Variants in NCAPH2 observed in about 807,000 individuals in gnomAD.
NCAPH2 encodes the protein condensin-2 complex subunit H2.
Under a neutral mutation model 88.6 loss-of-function variants are expected in NCAPH2, and 56 were observed. The ratio of observed to expected loss-of-function variants is 0.63; its 90% CI spans 0.51 to 0.79. The LOEUF (loss-of-function observed/expected upper bound fraction) is 0.79. Among genes scored for constraint, NCAPH2 ranks in the 30% least tolerant of loss-of-function variants. The pLI, the probability that NCAPH2 is intolerant of heterozygous loss-of-function variation, is 0.00. For missense variants in NCAPH2, 794 were observed against 792.0 expected, an observed-to-expected ratio of 1.00 and a Z score of -0.03; for synonymous variants, 378 against 313.6, an observed-to-expected ratio of 1.21 and a Z score of -2.17.
intron 7 of NCAPH2, 129 bp from the exon 8 acceptor site, chr22:50,518,520 C>A (rs777292325): frequency 4.6e-6 from 5 of 1,089,706 alleles, no homozygotes; most frequent in African/African-American, 3.2e-5. Context: ...TGTCTCCCCC[C>A]AGCCCAAGGC....
Position 50,515,590 on chromosome 22 carries a change from G to A in NCAPH2, c.109-857G>A. The A allele has an allele frequency of 2.8e-5, 17 of 599,798 alleles. No homozygotes were observed. The South Asian group carries it at 3.9e-4, about 14-fold the overall frequency. 37.2% of individuals were successfully genotyped at this position (599,798 alleles called of 1,614,324 possible). On this transcript the variant is annotated intron_variant, in intron 1 of 19. Transcript: ENST00000420993. The stretch of plus-strand genomic sequence containing the variant: ...TTTTTGTATTTTTAGTAGAGACGAG[G>A]TTTCACCGTGTTAGCCAGGATGGTC...
At chr22:50,519,058 G>A in intron 8 of NCAPH2, 132 bp from the exon 9 acceptor site, 1 of 831,462 alleles carries the variant, frequency 1.2e-6, no homozygotes, top group Non-Finnish European at 1.8e-6. Flanking sequence ...CGACGAGGAT[G>A]GTGCAAGGCA....
intron 1 of NCAPH2, chr22:50,515,811 A>G (rs1378269920): frequency 1.5e-6 from 2 of 1,296,012 alleles, no homozygotes; most frequent in Admixed American, 2.4e-5. Flanking sequence ...GGACATTTGA[A>G]TGTACTCTGT....
At position 50,524,314 on chromosome 22, in the gene NCAPH2, A is replaced by C; in HGVS notation, c.*939A>C. The C allele has an allele frequency of 1.2e-6, 2 of 1,602,122 alleles. No individual in the cohort carries two copies. Among genetic ancestry groups the C allele is most frequent in the Non-Finnish European group, 1.7e-6 (2 of 1,179,816 alleles). Reference sequence around the variant, plus strand: ...CTGCCTTGACAAAAGCCAGGACCTCAGATGCAGGGCCTGGCCTCCCAGGGT... The same window carrying C: ...CTGCCTTGACAAAAGCCAGGACCTCCGATGCAGGGCCTGGCCTCCCAGGGT... On this transcript the variant is annotated 3_prime_UTR_variant, in exon 20 of 20. Transcript: ENST00000420993.
In NCAPH2 at chr22:50,517,760, TC is replaced by T. The variant is rs1306874151; in HGVS notation, c.374del (p.Pro125LeufsTer57). ...CTCCAGTTCCTGTCGCTGGATGACT[TC>T]CCTGACTCCCGGACTAACGTGGATC... is the stretch of plus-strand genomic sequence containing the variant. ...AENEFLSLDD[F>X]PDSRTNVDLK... On this transcript the variant is annotated frameshift_variant, in exon 5 of 20. Transcript: ENST00000420993. LOFTEE classifies it high-confidence loss of function. 3 of 1,614,018 alleles carry T rather than the reference TC, an allele frequency of 1.9e-6. No individual in the cohort carries two copies. Among genetic ancestry groups the T allele is most frequent in the Non-Finnish European group, 2.5e-6 (3 of 1,180,036 alleles).
In NCAPH2 at chr22:50,522,836, A is replaced by G; in HGVS notation, c.1441A>G (p.Thr481Ala). 6.2e-7 allele frequency: 1 copy of G among 1,613,218 alleles called. No homozygotes were observed. Among genetic ancestry groups the G allele is most frequent in the Non-Finnish European group, 8.5e-7 (1 of 1,179,934 alleles). Reference sequence around the variant, plus strand: ...CCTCCCCTAGGAGCTCTTCATCGCCACCTCCCAGAAGTTTGTCCAGGAGAC... The same window carrying G: ...CCTCCCCTAGGAGCTCTTCATCGCCGCCTCCCAGAAGTTTGTCCAGGAGAC... ...VRRNVELFIATSQKFVQETEL... is the reference protein window; with the variant it reads ...VRRNVELFIAASQKFVQETEL... The change falls in exon 18 of 20, where the codon ACC (threonine) becomes GCC (alanine). Residue 481 changes from threonine to alanine, a missense_variant. Physicochemically the swap from Thr to Ala is moderately conservative, Grantham distance 58 (BLOSUM62 0). Around this residue, in one of 2 missense-constraint regions of NCAPH2, gnomAD observed 735 missense variants for 696.3 expected, o/e 1.06. Coordinates refer to ENST00000420993, the MANE Select transcript of NCAPH2 (RefSeq NM_152299.4).
chr22:50,513,793 G>GA (rs1472202220), intron 1 of NCAPH2, among the ~76,000 whole-genome samples: 1 of 151,900 alleles, frequency 6.6e-6, no homozygotes, highest in East Asian at 1.9e-4. Flanking sequence ...CCAACCAACC[G>GA]AAAAAATCAC....
Position 50,518,782 on chromosome 22 carries a change from C to T in NCAPH2, c.730+50C>T, listed in dbSNP as rs1418183165. On this transcript the variant is annotated intron_variant, in intron 8 of 19. Transcript: ENST00000420993. ...ACTGGCAGGGCAGCCAAAGAGGGGA[C>T]CAGGGAGGCAGCACCCAGTGGACAG... The T allele has an allele frequency of 2.0e-6, 3 of 1,524,494 alleles. No homozygotes were observed. The Admixed American group carries it at 5.8e-5, about 29-fold the overall frequency. The allele number at this position is 1,524,494 out of a possible 1,614,324, so 94.4% of individuals were successfully genotyped here. A position where few individuals can be genotyped will look rare whatever the true frequency, so the allele number is the denominator to read the frequency against.
At chr22:50,509,821 G>A (rs2068737149) in intron 1 of NCAPH2, among the ~76,000 whole-genome samples, 1 of 151,938 alleles carries the variant, frequency 6.6e-6, no homozygotes, top group Non-Finnish European at 1.5e-5. Context: ...GGGCTGTTTT[G>A]TATCTTGTTC....
rs942543259 is a variant in NCAPH2, at chr22:50,524,186, G to T, written c.*811G>T. On this transcript the variant is annotated 3_prime_UTR_variant, in exon 20 of 20. Coordinates refer to ENST00000420993, the MANE Select transcript of NCAPH2 (RefSeq NM_152299.4). ...CTCTCCTTCTCAGCCCTCAGGGCCAGCCAGGCCCCACCGAGTCCAGCCCCG... is the reference window on the plus strand; with the variant it reads ...CTCTCCTTCTCAGCCCTCAGGGCCATCCAGGCCCCACCGAGTCCAGCCCCG... 1.2e-6 allele frequency: 2 copies of T among 1,609,252 alleles called. No individual in the cohort carries two copies. Among genetic ancestry groups the T allele is most frequent in the Admixed American group, 1.7e-5 (1 of 60,020 alleles).
chr22:50,516,643 G>A, intron 2 of NCAPH2, 95 bp downstream of exon 2: 1 of 1,053,818 alleles, frequency 9.5e-7, no homozygotes, highest in Non-Finnish European at 1.4e-6. Flanking sequence ...CGTCCCGTCT[G>A]TGACCTACCT....
intron 1 of NCAPH2, among the ~76,000 whole-genome samples, chr22:50,515,473 T>C (rs1279496897): frequency 1.3e-5 from 2 of 152,142 alleles, no homozygotes; most frequent in African/African-American, 4.8e-5. Context: ...CTCGGCTCAC[T>C]GCAAGCTCCG....
chr22:50,519,431 CACTGGTCTGGGGCAGAA>C (rs1452009270), intron 9 of NCAPH2, 111 bp downstream of exon 9: 2 of 1,486,120 alleles, frequency 1.3e-6, no homozygotes, highest in African/African-American at 2.8e-5. Context: ...GGCCCCAGAC[CACTGGTCTGGGGCAGAA>C]GCCCACCTGT....
In NCAPH2 at chr22:50,519,217, T is replaced by A; in HGVS notation, c.758T>A (p.Leu253Gln). ...PGPSPEGPMP[L>Q]GGGEDEDAEE... ...CCCTCTCCAGAAGGCCCGATGCCCC[T>A]GGGTGGGGGCGAGGACGAGGATGCA... The change falls in exon 9 of 20, where the codon CTG (leucine) becomes CAG (glutamine). Residue 253 changes from leucine to glutamine, a missense_variant. By Grantham distance (113) the Leu-to-Gln change is moderately radical. This residue lies in a region of NCAPH2 where 735 missense variants were observed against 696.3 expected (regional missense o/e 1.06). Transcript: ENST00000420993. The A allele has an allele frequency of 6.2e-7, 1 of 1,610,864 alleles. No homozygotes were observed. The highest frequency in any genetic ancestry group is 8.5e-7 in the Non-Finnish European group (1 of 1,179,136).
In NCAPH2 at chr22:50,518,624, C is replaced by G. The variant is rs773861262; in HGVS notation, c.647-25C>G. On this transcript the variant is annotated intron_variant, in intron 7 of 19. Coordinates refer to ENST00000420993, the MANE Select transcript of NCAPH2 (RefSeq NM_152299.4). ...CATCTTGGAGAGGGGCTGGGCTGAC[C>G]TTGTCTGATCCCTGTCTCTCCCAGA... 171 of 1,582,790 alleles carry G rather than the reference C, an allele frequency of 1.1e-4. 1 individual carries two copies. The highest frequency in any genetic ancestry group is 2.5e-4 in the Admixed American group (14 of 55,446).
intron 1 of NCAPH2, among the ~76,000 whole-genome samples, chr22:50,513,145 C>A (rs987835458): frequency 6.6e-6 from 1 of 152,232 alleles, no homozygotes; most frequent in African/African-American, 2.4e-5. Flanking sequence ...TTAGTAGAGG[C>A]GTTAGAGATG....
At position 50,517,450 on chromosome 22, in the gene NCAPH2, C is replaced by T. The variant is rs1198113707; in HGVS notation, c.234C>T (p.Val78=). 2 of 1,614,068 alleles carry T rather than the reference C, an allele frequency of 1.2e-6. No homozygotes were observed. The highest frequency in any genetic ancestry group is 2.2e-5 in the South Asian group (2 of 91,088). The part of the protein sequence containing the change: ...SKKVEYLYSL[V]YQALDFISGK... ...AGGTGGAATACCTCTACTCACTCGT[C>T]TACCAGGCCCTTGATTTCATCTCTG... The change falls in exon 3 of 20, where the codon GTC becomes GTT. Residue 78 remains valine (V), a synonymous_variant. Coordinates refer to ENST00000420993, the MANE Select transcript of NCAPH2 (RefSeq NM_152299.4).
chr22:50,516,201 TTGTAGACAGTG>T (rs1214999243), intron 1 of NCAPH2, among the ~76,000 whole-genome samples: 1 of 152,138 alleles, frequency 6.6e-6, no homozygotes, highest in Non-Finnish European at 1.5e-5. Flanking sequence ...CCCTGGTTGT[TTGTAGACAGTG>T]TGCCCTGGGG....
Position 50,521,762 on chromosome 22 carries a change from C to G in NCAPH2, c.1022C>G (p.Pro341Arg), listed in dbSNP as rs138105501. The change falls in exon 12 of 20, where the codon CCC (proline) becomes CGC (arginine). Residue 341 changes from proline (P) to arginine (R), a missense_variant. Coordinates refer to ENST00000420993, the MANE Select transcript of NCAPH2 (RefSeq NM_152299.4). Reference protein sequence around the residue: ...FKKGRPYSVPPCVEEALGQKR... With the variant: ...FKKGRPYSVPRCVEEALGQKR... ...CCAGGTAGGCCTTACTCTGTGCCCC[C>G]CTGTGTGGAGGAGGCTCTGGGACAG... 566 of 1,613,990 alleles carry G rather than the reference C, an allele frequency of 3.5e-4. 3 individuals are homozygous for G. The highest frequency in any genetic ancestry group is 1.6e-3 in the Middle Eastern group (10 of 6,062).
Sources: allele counts gnomAD v4.1 joint callset (sites outside exome capture counted in the v4.1 genomes callset), GRCh38; gene constraint gnomAD v4.1.1; regional missense constraint gnomAD v4.1.1; transcripts MANE v1.5; gene names NCBI Gene and HGNC (gene_info 2026-07-23, HGNC 2026-07-21).